The following CHAF1A variants were observed in gnomAD, a reference collection of about 807,000 sequenced individuals.
CHAF1A encodes chromatin assembly factor 1 subunit A.
CHAF1A carries 5 observed loss-of-function variants against 93.2 expected under a neutral mutation model. That is an observed-to-expected ratio of 0.05 (90% CI 0.03 to 0.11). The LOEUF is 0.11. Among genes scored for constraint, CHAF1A ranks in the 10% least tolerant of loss-of-function variants. The probability of loss-of-function intolerance (pLI) is 1.00; values close to 1 mark genes in which losing one functional copy is unlikely to be tolerated. For synonymous variants in CHAF1A, 504 were observed against 510.3 expected, an observed-to-expected ratio of 0.99 and a Z score of 0.17; for missense variants, 1,102 against 1,259.9, an observed-to-expected ratio of 0.87 and a Z score of 1.90.
intron 13 of CHAF1A, among the ~76,000 whole-genome samples, chr19:4,435,216 G>T (rs1272616796): frequency 6.9e-6 from 1 of 145,338 alleles, no homozygotes; most frequent in Non-Finnish European, 1.5e-5. Context: ...TCAGCCTCCC[G>T]AGTAGCTGGG....
intron 4 of CHAF1A, among the ~76,000 whole-genome samples, chr19:4,418,409 CTTTTTTTTTTTTT>C (rs10549561): frequency 6.5e-5 from 7 of 107,074 alleles, no homozygotes; most frequent in East Asian, 2.9e-4. Context: ...AGTCCTGTCT[CTTTTTTTTTTTTT>C]TTTTTTTTTT....
intron 3 of CHAF1A, among the ~76,000 whole-genome samples, chr19:4,412,387 A>G (rs958179707): frequency 1.3e-5 from 2 of 152,192 alleles, no homozygotes; most frequent in African/African-American, 2.4e-5. Context: ...TACTAAAAAT[A>G]CAGAAAATTA....
chr19:4,403,611 A>G (rs2145053798), intron 1 of CHAF1A, among the ~76,000 whole-genome samples: 1 of 152,356 alleles, frequency 6.6e-6, no homozygotes, highest in South Asian at 2.1e-4. Flanking sequence ...TGGGCACGGC[A>G]CTGCAGGGTG....
chr19:4,402,834 G>T lies in CHAF1A; in HGVS notation c.52+20G>T. On this transcript the variant is annotated intron_variant, in intron 1 of 14. Coordinates refer to ENST00000301280, the MANE Select transcript of CHAF1A (RefSeq NM_005483.3). ...CCACAGGTCGGTTCGGGCCCGCGCC[G>T]AGGGGAAGGGGGGGCGCGGCGCGCG... The T allele has an allele frequency of 1.7e-6, 2 of 1,196,486 alleles. No homozygotes were observed. The highest frequency in any genetic ancestry group is 1.0e-6 in the Non-Finnish European group (1 of 963,594). The allele number at this position is 1,196,486 out of a possible 1,614,324, so 74.1% of individuals were successfully genotyped here.
chr19:4,445,145 C>T (rs111988541), downstream of CHAF1A: 7 of 264,640 alleles, frequency 2.6e-5, no homozygotes, highest in African/African-American at 4.5e-5. Flanking sequence ...CTGCCACCCA[C>T]GGCACACGGG....
At chr19:4,407,516 G>A (rs1006318713) in intron 2 of CHAF1A, among the ~76,000 whole-genome samples, 6 of 151,490 alleles carry the variant, frequency 4.0e-5, no homozygotes, top group African/African-American at 1.5e-4. Flanking sequence ...TTGAGAACCA[G>A]ATGCAGTTAT....
At chr19:4,450,168 T>C in the CHAF1A span, 8 of 142,668 alleles carry the variant, frequency 5.6e-5, no homozygotes, top group African/African-American at 2.1e-4. Context: ...GAGGTTGCAG[T>C]GAGCTGAGAT....
At chr19:4,447,473 G>A, downstream of CHAF1A, 2 of 1,536,106 alleles carry the variant, frequency 1.3e-6, no homozygotes, top group South Asian at 2.2e-5. Flanking sequence ...ACCGCCTGGT[G>A]TGGGCCACCA....
chr19:4,448,118 GCACAC>G, downstream of CHAF1A: 1 of 599,554 alleles, frequency 1.7e-6, no homozygotes, highest in Non-Finnish European at 3.0e-6. Flanking sequence ...CCTTCATTTT[GCACAC>G]GGGTAAACTG....
At chr19:4,420,342 G>C (rs369153294) in intron 4 of CHAF1A, among the ~76,000 whole-genome samples, 3 of 151,826 alleles carry the variant, frequency 2.0e-5, no homozygotes, top group South Asian at 2.1e-4. Context: ...TCCCAGGTTC[G>C]AGCGATTCTC....
chr19:4,442,229 TACC>T lies in CHAF1A; in HGVS notation c.2674-15_2674-13del, dbSNP rs1276492035. On this transcript the variant is annotated splice_polypyrimidine_tract_variant and intron_variant, in intron 13 of 14. Coordinates refer to ENST00000301280, the MANE Select transcript of CHAF1A (RefSeq NM_005483.3). ...GCTGCCTGCAGTGCTGATGGCCGTG[TACC>T]CTGTCTGTCCAGATTGGTGCTGAAG... 2.5e-6 allele frequency: 4 copies of T among 1,612,430 alleles called. No homozygotes were observed. Among genetic ancestry groups the T allele is most frequent in the Non-Finnish European group, 3.4e-6 (4 of 1,178,642 alleles).
At chr19:4,430,929 C>T (rs898643971) in intron 11 of CHAF1A, 1 of 415,406 alleles carries the variant, frequency 2.4e-6, no homozygotes, top group African/African-American at 2.0e-5. Context: ...GGAAACCACC[C>T]GAGCTGACAT....
chr19:4,413,134 G>A (rs1209183896), intron 3 of CHAF1A, among the ~76,000 whole-genome samples: 3 of 152,064 alleles, frequency 2.0e-5, no homozygotes, highest in Admixed American at 6.6e-5. Flanking sequence ...GTGCAATGGC[G>A]TGATCTTGGC....
At chr19:4,436,602 T>G (rs1479006384) in intron 13 of CHAF1A, among the ~76,000 whole-genome samples, 2 of 152,162 alleles carry the variant, frequency 1.3e-5, no homozygotes, top group Non-Finnish European at 2.9e-5. Flanking sequence ...TATCTGGTTG[T>G]GTCACTATGC....
chr19:4,436,006 G>A (rs2145140980), intron 13 of CHAF1A, among the ~76,000 whole-genome samples: 1 of 152,268 alleles, frequency 6.6e-6, no homozygotes, highest in Middle Eastern at 3.4e-3. Flanking sequence ...GGGCATGGTG[G>A]CAGGTGCCTG....
chr19:4,433,751 G>A lies in CHAF1A; in HGVS notation c.2673+212G>A, dbSNP rs1160612849. Among the ~76,000 whole-genome samples the A allele has an allele frequency of 2.0e-5, 3 of 151,888 alleles. No homozygotes were observed. The highest frequency in any genetic ancestry group is 7.3e-5 in the African/African-American group (3 of 41,360). On this transcript the variant is annotated intron_variant, in intron 13 of 14. Transcript: ENST00000301280. The surrounding 1 kb of genome is among the most constrained non-coding windows in gnomAD (Gnocchi z 5.6). ...TGAGTAGCTGGGATTACAGGTGTAC[G>A]CCACCATGCCTGGCTAATTTTTGTA...
downstream of CHAF1A, chr19:4,447,656 C>G: frequency 6.2e-7 from 1 of 1,611,784 alleles, no homozygotes; most frequent in African/African-American, 1.3e-5. Context: ...GAGTGGGGCA[C>G]AGCCCAGGCT....
At position 4,402,710 on chromosome 19, in the gene CHAF1A, A is replaced by C. The variant is rs1973604366; in HGVS notation, c.-53A>C. 4.4e-6 allele frequency: 5 copies of C among 1,135,516 alleles called. No individual in the cohort carries two copies. Among genetic ancestry groups the C allele is most frequent in the Non-Finnish European group, 4.4e-6 (4 of 910,006 alleles). 70.3% of individuals were successfully genotyped at this position (1,135,516 alleles called of 1,614,324 possible). ...GAGGGCGAAGAGCAGCGGCCGCCTG[A>C]GGGGAGCCCGCGCCTCCGCCGCCTG... On this transcript the variant is annotated 5_prime_UTR_variant, in exon 1 of 15. Transcript: ENST00000301280.
downstream of CHAF1A, among the ~76,000 whole-genome samples, chr19:4,443,554 C>A (rs1974438671): frequency 6.6e-6 from 1 of 152,224 alleles, no homozygotes; most frequent in African/African-American, 2.4e-5. Flanking sequence ...TCATACCAGG[C>A]TGACCTGGGT....
Sources: gnomAD v4.1 joint callset for allele counts (sites outside exome capture counted in the v4.1 genomes callset) on GRCh38, gnomAD v4.1.1 for gene constraint, Gnocchi (gnomAD v3.1) non-coding constraint, MANE v1.5 for transcripts, NCBI Gene and HGNC (gene_info 2026-07-23, HGNC 2026-07-21) for gene names.